The following ESRRG variants were observed in gnomAD, a reference collection of about 807,000 sequenced individuals.
ESRRG encodes estrogen-related receptor gamma.
A neutral mutation model predicts 44.0 loss-of-function variants in ESRRG; 13 were observed. That is an observed-to-expected ratio of 0.30 (90% CI 0.19 to 0.47). The LOEUF (loss-of-function observed/expected upper bound fraction) is 0.47, where lower values mean the gene tolerates loss of function less well. ESRRG is among the 20% of genes least tolerant of loss of function. The probability of loss-of-function intolerance (pLI) is 1.00; values close to 1 mark genes in which losing one functional copy is unlikely to be tolerated. For synonymous variants in ESRRG, 215 were observed against 214.6 expected (o/e 1.00, Z -0.02); for missense variants, 395 against 580.6 (o/e 0.68, Z 3.29).
chr1:217,015,897 T>A (rs1264212174), intron 1 of ESRRG, among the ~76,000 whole-genome samples: 2 of 152,018 alleles, frequency 1.3e-5, no homozygotes, highest in Non-Finnish European at 2.9e-5. Flanking sequence ...GCCCGGCTAT[T>A]TTTTTGTATT....
intron 2 of ESRRG, among the ~76,000 whole-genome samples, chr1:216,795,890 T>C (rs1243355321): frequency 6.6e-6 from 1 of 151,992 alleles, no homozygotes; most frequent in Non-Finnish European, 1.5e-5. Context: ...GGGTAGTAAT[T>C]GATCAAGAGG....
intron 2 of ESRRG, among the ~76,000 whole-genome samples, chr1:216,928,328 G>GT (rs1490301522): frequency 6.6e-6 from 1 of 152,064 alleles, no homozygotes; most frequent in Admixed American, 6.5e-5. Flanking sequence ...GGATGTCTCA[G>GT]TTTTTTCTGC....
chr1:216,957,569 T>C (rs1375849897), intron 1 of ESRRG, among the ~76,000 whole-genome samples: 1 of 152,120 alleles, frequency 6.6e-6, no homozygotes, highest in East Asian at 1.9e-4. Flanking sequence ...ACACCATCCA[T>C]GCAATCCATT....
chr1:217,077,969 A>G (rs1315777829), intron 1 of ESRRG, among the ~76,000 whole-genome samples: 2 of 152,252 alleles, frequency 1.3e-5, no homozygotes, highest in Non-Finnish European at 2.9e-5. Context: ...CATCTACTGC[A>G]AAGTCACTGT....
At chr1:217,135,110 G>A (rs1047826034) in intron 1 of ESRRG, among the ~76,000 whole-genome samples, 1 of 152,184 alleles carries the variant, frequency 6.6e-6, no homozygotes, top group South Asian at 2.1e-4. Context: ...CAGGCTTCCT[G>A]GGCACTGCGT....
intron 5 of ESRRG, among the ~76,000 whole-genome samples, chr1:216,547,896 G>A (rs2055047529): frequency 6.6e-6 from 1 of 152,020 alleles, no homozygotes; most frequent in African/African-American, 2.4e-5. Context: ...TATGTAAATT[G>A]GTTAGAGAGA....
intron 2 of ESRRG, among the ~76,000 whole-genome samples, chr1:216,782,889 A>C (rs1222836086): frequency 6.6e-6 from 1 of 152,100 alleles, no homozygotes; most frequent in African/African-American, 2.4e-5. Flanking sequence ...ATCTCTTGTC[A>C]GTTTTAATAG....
intron 2 of ESRRG, among the ~76,000 whole-genome samples, chr1:216,740,939 G>T (rs2090610097): frequency 6.6e-6 from 1 of 151,550 alleles, no homozygotes; most frequent in African/African-American, 2.4e-5. Context: ...TCCACCTTCT[G>T]AATTTAACTA....
At chr1:216,577,539 A>G (rs1019593673) in intron 3 of ESRRG, among the ~76,000 whole-genome samples, 1 of 152,054 alleles carries the variant, frequency 6.6e-6, no homozygotes, top group Non-Finnish European at 1.5e-5. Context: ...AATAATAGTT[A>G]TAACAGTGCA....
At chr1:217,047,990 T>G (rs527480802) in intron 1 of ESRRG, among the ~76,000 whole-genome samples, 1 of 152,106 alleles carries the variant, frequency 6.6e-6, no homozygotes, top group Non-Finnish European at 1.5e-5. Flanking sequence ...AAGAAATATG[T>G]GTAGTAGCTC....
At chr1:216,895,828 T>G (rs914650946) in intron 2 of ESRRG, among the ~76,000 whole-genome samples, 1 of 152,170 alleles carries the variant, frequency 6.6e-6, no homozygotes, top group South Asian at 2.1e-4. Context: ...TTTTAATAAC[T>G]TAACAAGTGG....
chr1:216,794,802 C>T (rs1237533120), intron 2 of ESRRG, among the ~76,000 whole-genome samples: 1 of 152,160 alleles, frequency 6.6e-6, no homozygotes, highest in Non-Finnish European at 1.5e-5. Flanking sequence ...ATGAAAAGGA[C>T]AGCCTTTCAC....
chr1:216,516,668 C>CACACAGAG (rs376701865), intron 6 of ESRRG, among the ~76,000 whole-genome samples: 184 of 137,232 alleles, frequency 1.3e-3, no homozygotes, highest in African/African-American at 5.2e-3. Context: ...CACACACACA[C>CACACAGAG]AGAGAGAGAG....
intron 1 of ESRRG, among the ~76,000 whole-genome samples, chr1:216,718,256 G>A (rs1575701316): frequency 6.6e-6 from 1 of 151,868 alleles, no homozygotes; most frequent in South Asian, 2.1e-4. Context: ...TTATATAAAT[G>A]TACATGAATA....
At chr1:216,769,802 C>T (rs1327898593) in intron 2 of ESRRG, among the ~76,000 whole-genome samples, 1 of 152,016 alleles carries the variant, frequency 6.6e-6, no homozygotes, top group African/African-American at 2.4e-5. Flanking sequence ...GAAATGCTAA[C>T]TGGACATCTG....
chr1:217,047,621 T>C (rs1028247566), intron 1 of ESRRG, among the ~76,000 whole-genome samples: 4 of 152,196 alleles, frequency 2.6e-5, no homozygotes, highest in African/African-American at 9.6e-5. Context: ...CATTAAATCA[T>C]ATTCTGTTGC....
At chr1:217,053,485 GAA>G (rs2086509697) in intron 1 of ESRRG, among the ~76,000 whole-genome samples, 1 of 151,064 alleles carries the variant, frequency 6.6e-6, no homozygotes, top group East Asian at 2.0e-4. Context: ...AAGAAAGAAA[GAA>G]AGAAAGAAAG....
At chr1:216,597,377 G>C (rs1437873579) in intron 3 of ESRRG, among the ~76,000 whole-genome samples, 2 of 152,192 alleles carry the variant, frequency 1.3e-5, no homozygotes, top group African/African-American at 4.8e-5. Flanking sequence ...AGAGGTCAAA[G>C]AAGGAACTTG....
At chr1:216,784,498 A>T (rs1257692034) in intron 2 of ESRRG, among the ~76,000 whole-genome samples, 2 of 152,218 alleles carry the variant, frequency 1.3e-5, no homozygotes, top group East Asian at 3.9e-4. Context: ...CATATAAAGC[A>T]CTAGATTAAG....
Sources: allele counts gnomAD v4.1 joint callset (sites outside exome capture counted in the v4.1 genomes callset), GRCh38; gene constraint gnomAD v4.1.1; transcripts MANE v1.5; gene names NCBI Gene and HGNC (gene_info 2026-07-23, HGNC 2026-07-21).